CA12: variants seen among roughly 807,000 people sequenced by gnomAD.
CA12 encodes carbonate dehydratase XII.
A neutral mutation model predicts 46.8 loss-of-function variants in CA12; 36 were observed. The ratio of observed to expected loss-of-function variants is 0.77; its 90% CI spans 0.59 to 1.02. CA12 has a LOEUF of 1.02. Ranked by LOEUF, CA12 falls within the 50% of genes least tolerant of loss-of-function variation. CA12 has a pLI of 0.00. For missense variants in CA12, 436 were observed against 451.4 expected, an observed-to-expected ratio of 0.97 and a Z score of 0.31; for synonymous variants, 202 against 187.0, an observed-to-expected ratio of 1.08 and a Z score of -0.65.
Position 63,355,896 on chromosome 15 carries a change from A to G in CA12, c.107-9187T>C, listed in dbSNP as rs1208892769. Reference sequence around the variant, plus strand: ...CTGCTCTGTCTTTCTTAAACATAATATTCAAATAGGGGGCTCCAGGCTCAG... The same window carrying G: ...CTGCTCTGTCTTTCTTAAACATAATGTTCAAATAGGGGGCTCCAGGCTCAG... On this transcript the variant is annotated intron_variant, in intron 2 of 10. Coordinates refer to ENST00000178638, the MANE Select transcript of CA12 (RefSeq NM_001218.5). The surrounding 1 kb of genome is among the most constrained non-coding windows in gnomAD (Gnocchi z 4.1). 1.3e-5 allele frequency among the ~76,000 whole-genome samples: 2 copies of G among 152,178 alleles called. No individual in the cohort carries two copies. The highest frequency in any genetic ancestry group is 3.9e-4 in the East Asian group (2 of 5,192).
In CA12 at chr15:63,372,247, G is replaced by A. The variant is rs1344748096; in HGVS notation, c.106+3411C>T. 1.3e-5 allele frequency among the ~76,000 whole-genome samples: 2 copies of A among 152,202 alleles called. No homozygotes were observed. The highest frequency in any genetic ancestry group is 6.5e-5 in the Admixed American group (1 of 15,278). On this transcript the variant is annotated intron_variant, in intron 2 of 10. Transcript: ENST00000178638. The surrounding 1 kb of genome is among the most constrained non-coding windows in gnomAD (Gnocchi z 4.5). ...CGGGATTGATGCGGGACTGATTTCC[G>A]GCGGGGAAGGTCCATGTCACATCAT...
chr15:63,342,752 T>C (rs1292819671), intron 4 of CA12, among the ~76,000 whole-genome samples: 1 of 152,138 alleles, frequency 6.6e-6, no homozygotes, highest in Non-Finnish European at 1.5e-5. Flanking sequence ...GGTGGGGGGC[T>C]TAGAATTTAT....
intron 2 of CA12, among the ~76,000 whole-genome samples, chr15:63,370,772 CA>C (rs1181667166): frequency 5.3e-4 from 70 of 133,182 alleles, no homozygotes; most frequent in Non-Finnish European, 4.1e-4. Flanking sequence ...GACTCCATCT[CA>C]AAAAAAAAAA....
At position 63,348,634 on chromosome 15, in the gene CA12, T is replaced by C. The variant is rs1047232258; in HGVS notation, c.107-1925A>G. Among the ~76,000 whole-genome samples the C allele has an allele frequency of 6.6e-6, 1 of 152,200 alleles. No individual in the cohort carries two copies. The highest frequency in any genetic ancestry group is 6.5e-5 in the Admixed American group (1 of 15,286). The stretch of plus-strand genomic sequence containing the variant: ...AAAACTCAGGAAGTAAAGAGATGCA[T>C]CATTGAGAAGCTTTCTCTTTGCACA... On this transcript the variant is annotated intron_variant, in intron 2 of 10. Transcript: ENST00000178638. This position sits in a 1 kb window ranked among gnomAD's most constrained non-coding sequence, Gnocchi z 4.6.
At position 63,322,447 on chromosome 15, in the gene CA12, AT is replaced by A. The variant is rs2038802722; in HGVS notation, c.*3837del. ...CTAGTGTGGCTACCGGAAAGTTTAA[AT>A]TTCATACGTGTCTCATGTTATATTT... On this transcript the variant is annotated 3_prime_UTR_variant, in exon 11 of 11. Coordinates refer to ENST00000178638, the MANE Select transcript of CA12 (RefSeq NM_001218.5). The surrounding 1 kb of genome is among the most constrained non-coding windows in gnomAD (Gnocchi z 4.1). 6.6e-6 allele frequency: 1 copy of A among 151,824 alleles called. No homozygotes were observed. Among genetic ancestry groups the A allele is most frequent in the African/African-American group, 2.4e-5 (1 of 41,270 alleles). 9.4% of individuals were successfully genotyped at this position (151,824 alleles called of 1,614,324 possible). A position where few individuals can be genotyped will look rare whatever the true frequency, so the allele number is the denominator to read the frequency against.
Position 63,346,599 on chromosome 15 carries a change from G to T in CA12, c.217C>A (p.Pro73Thr), listed in dbSNP as rs1291954862. The T allele has an allele frequency of 6.2e-7, 1 of 1,613,982 alleles. No individual in the cohort carries two copies. The highest frequency in any genetic ancestry group is 8.5e-7 in the Non-Finnish European group (1 of 1,180,034). Residue 73 changes from proline to threonine, a missense_variant, in exon 3 of 11, where the codon CCC becomes ACC. Transcript: ENST00000178638. The stretch of plus-strand genomic sequence containing the variant: ...AGATTGTAGCCTTGGAACTCGAGGG[G>T]CGTGAGGCTGGCGTCATACTGGAGG... ...DILQYDASLT[P>T]LEFQGYNLSA... is the part of the protein sequence containing the mutation.
rs772818422 is a variant in CA12, at chr15:63,342,101, C to T, written c.430-4G>A. On this transcript the variant is annotated splice_region_variant and splice_polypyrimidine_tract_variant and intron_variant, in intron 4 of 10. Coordinates refer to ENST00000178638, the MANE Select transcript of CA12 (RefSeq NM_001218.5). ...AGTTATAATGGACAATGTGCAGCTG[C>T]AGTGGGGGAGAAGCCACCCATTAGG... is the stretch of plus-strand genomic sequence containing the variant. 1.0e-5 allele frequency: 16 copies of T among 1,606,972 alleles called. No individual in the cohort carries two copies. The highest frequency in any genetic ancestry group is 1.3e-5 in the Non-Finnish European group (15 of 1,173,778).
At position 63,329,993 on chromosome 15, in the gene CA12, C is replaced by T. The variant is rs571496629; in HGVS notation, c.875-1863G>A. ...CTGGTCTGGCTTCCCCAGGTGGCAC[C>T]GGGCTGCTGTGAGGGTTAGCAGAGC... On this transcript the variant is annotated intron_variant, in intron 8 of 10. Transcript: ENST00000178638. The surrounding 1 kb of genome is among the most constrained non-coding windows in gnomAD (Gnocchi z 4.8). Among the ~76,000 whole-genome samples, 3 of 152,308 alleles carry T rather than the reference C, an allele frequency of 2.0e-5. No individual in the cohort carries two copies. The highest frequency in any genetic ancestry group is 2.1e-4 in the South Asian group (1 of 4,826).
chr15:63,336,543 CTTT>C (rs71998323), intron 8 of CA12, among the ~76,000 whole-genome samples: 4 of 86,182 alleles, frequency 4.6e-5, no homozygotes, highest in Non-Finnish European at 8.1e-5. Flanking sequence ...TCCAACCTGG[CTTT>C]TTTTTTTTTT....
rs778620742 is a variant in CA12 at position 63,326,291 on chromosome 15, G to C, written c.1059C>G (p.His353Gln). The change falls in exon 11 of 11, where the codon CAC becomes CAG. Residue 353 changes from histidine to glutamine, a missense_variant. His to Gln is a conservative substitution (Grantham distance 24). Transcript: ENST00000178638. ...KPATKMETEA[H>Q]A The stretch of plus-strand genomic sequence containing the variant: ...CCCGGGAGCTCCGGGGACCTCAAGC[G>C]TGGGCCTCAGTCTCCATCTTGGTGG... The C allele has an allele frequency of 1.9e-6, 3 of 1,613,800 alleles. No individual in the cohort carries two copies. The highest frequency in any genetic ancestry group is 2.2e-5 in the South Asian group (2 of 91,072).
At chr15:63,333,008 A>G (rs1288704393) in intron 8 of CA12, among the ~76,000 whole-genome samples, 1 of 152,258 alleles carries the variant, frequency 6.6e-6, no homozygotes, top group Non-Finnish European at 1.5e-5. Context: ...GTGTCAAGTA[A>G]CATAACAGAG....
At position 63,339,034 on chromosome 15, in the gene CA12, G is replaced by T; in HGVS notation, c.748-89C>A. The T allele has an allele frequency of 6.5e-7, 1 of 1,537,910 alleles. No homozygotes were observed. The highest frequency in any genetic ancestry group is 8.9e-7 in the Non-Finnish European group (1 of 1,126,272). On this transcript the variant is annotated intron_variant, in intron 7 of 10. Coordinates refer to ENST00000178638, the MANE Select transcript of CA12 (RefSeq NM_001218.5). This position sits in a 1 kb window ranked among gnomAD's most constrained non-coding sequence, Gnocchi z 4.3. The stretch of plus-strand genomic sequence containing the variant: ...AGGCTAGCTCTCCGCTCTTGCACCT[G>T]GGAGAAGCCTCTGGAACCAGCTTCT...
chr15:63,366,818 C>T (rs1453966085), intron 2 of CA12, among the ~76,000 whole-genome samples: 2 of 152,192 alleles, frequency 1.3e-5, no homozygotes, highest in African/African-American at 2.4e-5. Context: ...TAGACTAAGG[C>T]TCTTTCTAGA....
At chr15:63,365,901 G>C (rs1429272040) in intron 2 of CA12, among the ~76,000 whole-genome samples, 2 of 152,150 alleles carry the variant, frequency 1.3e-5, no homozygotes, top group East Asian at 3.9e-4. Flanking sequence ...CACTTTGGGA[G>C]GGCAAGGCGG....
chr15:63,364,332 G>GCAAAAAAAAAAAAA (rs777342866), intron 2 of CA12, among the ~76,000 whole-genome samples: 1 of 56,138 alleles, frequency 1.8e-5, no homozygotes, highest in African/African-American at 7.0e-5. Flanking sequence ...CCCGTCACTA[G>GCAAAAAAAAAAAAA]AAAAAAAAAA....
At position 63,339,533 on chromosome 15, in the gene CA12, C is replaced by T. The variant is rs8040584; in HGVS notation, c.748-588G>A. ...GGTTCATCATGTCCTCATTCCTGTC[C>T]ACCCACCTGCTGCCATTTACCAGGT... is the stretch of plus-strand genomic sequence containing the variant. On this transcript the variant is annotated intron_variant, in intron 7 of 10. Coordinates refer to ENST00000178638, the MANE Select transcript of CA12 (RefSeq NM_001218.5). This position sits in a 1 kb window ranked among gnomAD's most constrained non-coding sequence, Gnocchi z 4.3. 1.1e-3 allele frequency among the ~76,000 whole-genome samples: 163 copies of T among 152,298 alleles called. No individual in the cohort carries two copies. The highest frequency in any genetic ancestry group is 3.7e-3 in the African/African-American group (154 of 41,554).
At position 63,327,500 on chromosome 15, in the gene CA12, GTTT is replaced by G. The variant is rs74794784; in HGVS notation, c.908-270_908-268del. On this transcript the variant is annotated intron_variant, in intron 9 of 10. Coordinates refer to ENST00000178638, the MANE Select transcript of CA12 (RefSeq NM_001218.5). This position sits in a 1 kb window ranked among gnomAD's most constrained non-coding sequence, Gnocchi z 4.5. The stretch of plus-strand genomic sequence containing the variant: ...CTGAAGAGCTTGTTTAAAATGTAGG[GTTT>G]TTTTTTTTTTTTTAGCCCAACCCCC... Among the ~76,000 whole-genome samples, 1 of 140,310 alleles carries G rather than the reference GTTT, an allele frequency of 7.1e-6. No homozygotes were observed. The highest frequency in any genetic ancestry group is 1.6e-5 in the Non-Finnish European group (1 of 64,346). 92.0% of individuals were successfully genotyped at this position (140,310 alleles called of 152,430 possible). A position where few individuals can be genotyped will look rare whatever the true frequency, so the allele number is the denominator to read the frequency against.
chr15:63,358,077 C>T (rs951763656), intron 2 of CA12, among the ~76,000 whole-genome samples: 1 of 152,196 alleles, frequency 6.6e-6, no homozygotes, highest in African/African-American at 2.4e-5. Flanking sequence ...TTTGGTTATT[C>T]ATTCATAGGA....
In CA12 at chr15:63,373,533, T is replaced by G. The variant is rs2039533042; in HGVS notation, c.106+2125A>C. 6.6e-6 allele frequency among the ~76,000 whole-genome samples: 1 copy of G among 152,176 alleles called. No individual in the cohort carries two copies. The highest frequency in any genetic ancestry group is 1.5e-5 in the Non-Finnish European group (1 of 68,036). On this transcript the variant is annotated intron_variant, in intron 2 of 10. Coordinates refer to ENST00000178638, the MANE Select transcript of CA12 (RefSeq NM_001218.5). The surrounding 1 kb of genome is among the most constrained non-coding windows in gnomAD (Gnocchi z 4.9). ...GCCAGCAGAAGAGGTGGGGCAAGCT[T>G]CCTCTCTCTGGATAGACAGGTCTTG... is the stretch of plus-strand genomic sequence containing the variant.
Sources: gnomAD v4.1 joint callset for allele counts (sites outside exome capture counted in the v4.1 genomes callset) on GRCh38, gnomAD v4.1.1 for gene constraint, Gnocchi (gnomAD v3.1) non-coding constraint, MANE v1.5 for transcripts, NCBI Gene and HGNC (gene_info 2026-07-23, HGNC 2026-07-21) for gene names.